The following HKDC1 variants were observed in gnomAD, a reference collection of about 807,000 sequenced individuals.
HKDC1 encodes the protein hexokinase domain containing 1, also known as hexokinase HKDC1.
HKDC1 carries 66 observed loss-of-function variants against 96.6 expected under a neutral mutation model. The ratio of observed to expected loss-of-function variants is 0.68; its 90% CI spans 0.56 to 0.84. The LOEUF is 0.84. Ranked by LOEUF, HKDC1 falls within the 40% of genes least tolerant of loss-of-function variation. The pLI is 0.00. For missense variants in HKDC1, 1,211 were observed against 1,208.1 expected, an observed-to-expected ratio of 1.00 and a Z score of -0.04; for synonymous variants, 466 against 473.1, an observed-to-expected ratio of 0.98 and a Z score of 0.20.
intron 12 of HKDC1, among the ~76,000 whole-genome samples, chr10:69,253,760 G>T (rs1406065443): frequency 2.0e-5 from 3 of 152,118 alleles, no homozygotes; most frequent in African/African-American, 7.2e-5. Flanking sequence ...GGTGAGGAAG[G>T]GGTGCACTGT....
intron 4 of HKDC1, 48 bp downstream of exon 4, chr10:69,233,181 T>C: frequency 6.2e-7 from 1 of 1,610,098 alleles, no homozygotes; most frequent in African/African-American, 1.3e-5. Flanking sequence ...GCTTGGGGAA[T>C]GTGGGCACGG....
intron 4 of HKDC1, among the ~76,000 whole-genome samples, chr10:69,235,453 GCAAA>G (rs10556473): frequency 0.51 from 76,719 of 151,460 alleles, 20,512 homozygotes; most frequent in East Asian, 0.76. Flanking sequence ...ACAACAACAA[GCAAA>G]CAAAAAACAA....
At position 69,243,215 on chromosome 10, in the gene HKDC1, T is replaced by C. The variant is rs1843480954; in HGVS notation, c.725T>C (p.Met242Thr). The C allele has an allele frequency of 1.9e-6, 3 of 1,614,110 alleles. No homozygotes were observed. The highest frequency in any genetic ancestry group is 2.5e-6 in the Non-Finnish European group (3 of 1,179,932). ...TGTNACYMEDMSNIDLVEGDE... is the reference protein window; with the variant it reads ...TGTNACYMEDTSNIDLVEGDE... ...ACCAATGCGTGTTACATGGAGGACA[T>C]GAGCAACATTGACCTGGTGGAGGGC... The change falls in exon 7 of 18, where the codon ATG (methionine) becomes ACG (threonine). Residue 242 changes from methionine (M) to threonine (T), a missense_variant. Transcript: ENST00000354624.
Position 69,243,270 on chromosome 10 carries a change from G to A in HKDC1, c.780G>A (p.Glu260=), listed in dbSNP as rs745457777. ...GDEGRMCINT[E]WGAFGDDGAL... is the part of the protein sequence containing the mutation. ...AGGGCAGGATGTGCATCAACACAGA[G>A]TGGGGGGCCTTCGGGGACGACGGGG... is the stretch of plus-strand genomic sequence containing the variant. The change falls in exon 7 of 18, where the codon GAG becomes GAA. Residue 260 remains glutamate (E), a synonymous_variant. Coordinates refer to ENST00000354624, the MANE Select transcript of HKDC1 (RefSeq NM_025130.4). 1 of 1,614,190 alleles carries A rather than the reference G, an allele frequency of 6.2e-7. No individual in the cohort carries two copies. The highest frequency in any genetic ancestry group is 8.5e-7 in the Non-Finnish European group (1 of 1,180,020).
chr10:69,230,739 A>G (rs1843243949), intron 2 of HKDC1, among the ~76,000 whole-genome samples: 1 of 152,172 alleles, frequency 6.6e-6, no homozygotes, highest in Non-Finnish European at 1.5e-5. Flanking sequence ...TCAGCCTCCC[A>G]AGTAGCTGGG....
chr10:69,227,060 G>A (rs1241464607), intron 1 of HKDC1, 147 bp from the exon 2 acceptor site: 6 of 800,622 alleles, frequency 7.5e-6, no homozygotes, highest in Non-Finnish European at 2.0e-6. Flanking sequence ...CTGAGGAGGG[G>A]TCAGATAGGG....
rs1328583896 is a variant in HKDC1 at position 69,248,725 on chromosome 10, A to G, written c.1567A>G (p.Thr523Ala). The part of the protein sequence containing the change: ...PTYVCGLPDG[T>A]EKGKFLALDL... ...CTACGTCTGCGGGCTGCCGGACGGC[A>G]CAGGTGGGCCAGCACAGCCTCCCTC... Residue 523 changes from threonine (T) to alanine (A), a missense_variant, in exon 10 of 18, where the codon ACA becomes GCA. Transcript: ENST00000354624. The G allele has an allele frequency of 6.2e-7, 1 of 1,601,480 alleles. No individual in the cohort carries two copies. The highest frequency in any genetic ancestry group is 1.1e-5 in the South Asian group (1 of 89,986).
chr10:69,223,578 ATTTTTT>A (rs60016100), intron 1 of HKDC1, among the ~76,000 whole-genome samples: 4 of 85,576 alleles, frequency 4.7e-5, no homozygotes, highest in Admixed American at 1.5e-4. Context: ...CCACAATCTA[ATTTTTT>A]TTTTTTTTTT....
At chr10:69,223,818 C>T (rs1444144907) in intron 1 of HKDC1, among the ~76,000 whole-genome samples, 2 of 149,752 alleles carry the variant, frequency 1.3e-5, no homozygotes, top group Admixed American at 6.6e-5. Context: ...CTCCTGACCT[C>T]GGGATCCGCC....
chr10:69,226,861 A>T (rs1478963179), intron 1 of HKDC1, among the ~76,000 whole-genome samples: 1 of 152,146 alleles, frequency 6.6e-6, no homozygotes, highest in African/African-American at 2.4e-5. Flanking sequence ...GAGGAATGGG[A>T]CACTGGTGAG....
intron 14 of HKDC1, 71 bp from the exon 15 acceptor site, chr10:69,258,705 C>T: frequency 6.8e-7 from 1 of 1,466,826 alleles, no homozygotes; most frequent in Admixed American, 1.7e-5. Flanking sequence ...TTCTTATTTG[C>T]TGCACTCTGC....
At chr10:69,229,002 G>C (rs188962352) in intron 2 of HKDC1, among the ~76,000 whole-genome samples, 2 of 152,136 alleles carry the variant, frequency 1.3e-5, no homozygotes, top group Admixed American at 6.5e-5. Context: ...GAAAGAAAGA[G>C]AGAAAGCTGC....
intron 11 of HKDC1, 39 bp downstream of exon 11, chr10:69,250,474 G>GCCTGCCAC: frequency 1.2e-6 from 2 of 1,611,934 alleles, no homozygotes; most frequent in Non-Finnish European, 1.7e-6. Flanking sequence ...CGAGGTGCCA[G>GCCTGCCAC]CCTGCCACCC....
chr10:69,240,322 C>A (rs1202760240), intron 5 of HKDC1, among the ~76,000 whole-genome samples: 16 of 151,954 alleles, frequency 1.1e-4, no homozygotes, highest in Admixed American at 7.9e-4. Context: ...ACCCTATCTG[C>A]AGATTAAAAA....
intron 17 of HKDC1, 147 bp from the exon 18 acceptor site, chr10:69,266,463 T>TAAAAAA (rs35672201): frequency 1.9e-3 from 1,034 of 547,852 alleles, no homozygotes; most frequent in South Asian, 3.1e-3. Flanking sequence ...AGACCATGTC[T>TAAAAAA]AAAAAAAAAA....
At position 69,241,066 on chromosome 10, in the gene HKDC1, T is replaced by G. The variant is rs368245412; in HGVS notation, c.691+315T>G. Among the ~76,000 whole-genome samples, 78 of 151,762 alleles carry G rather than the reference T, an allele frequency of 5.1e-4. 3 individuals are homozygous for G. In the East Asian group the frequency reaches 0.012, roughly 23 times the overall value. On this transcript the variant is annotated intron_variant, in intron 6 of 17. Transcript: ENST00000354624. Reference sequence around the variant, plus strand: ...TAATTTCAGGTGGTGGTTAGCGTGATAAAAAAACAAAAAACAAAAAACAAA... The same window carrying G: ...TAATTTCAGGTGGTGGTTAGCGTGAGAAAAAAACAAAAAACAAAAAACAAA...
In HKDC1 at chr10:69,227,245, C is replaced by T; in HGVS notation, c.102C>T (p.Asp34=). ...TGTATCACATGCGGCTCTCCGATGA[C>T]ACCCTTTTGGACATCATGAGGCGGT... The part of the protein sequence containing the change: ...RFLYHMRLSD[D]TLLDIMRRFR... The change falls in exon 2 of 18, where the codon GAC becomes GAT. Residue 34 remains aspartate, a synonymous_variant. Transcript: ENST00000354624. The T allele has an allele frequency of 6.2e-7, 1 of 1,614,178 alleles. No homozygotes were observed. The highest frequency in any genetic ancestry group is 8.5e-7 in the Non-Finnish European group (1 of 1,180,036).
chr10:69,232,944 G>A (rs760644907), intron 3 of HKDC1, 32 bp downstream of exon 3: 2 of 1,612,070 alleles, frequency 1.2e-6, no homozygotes, highest in South Asian at 2.2e-5. Flanking sequence ...TGACCGCAGG[G>A]AAGGCGGTGG....
intron 9 of HKDC1, 30 bp downstream of exon 9, chr10:69,247,623 C>A (rs757402142): frequency 3.1e-5 from 49 of 1,566,782 alleles, no homozygotes; most frequent in Non-Finnish European, 4.1e-5. Flanking sequence ...CACGCCCCCA[C>A]AAATGAGTCT....
Sources: gnomAD v4.1 joint callset for allele counts (sites outside exome capture counted in the v4.1 genomes callset) on GRCh38, gnomAD v4.1.1 for gene constraint, MANE v1.5 for transcripts, NCBI Gene and HGNC (gene_info 2026-07-23, HGNC 2026-07-21) for gene names.